Variants in MN1 observed in about 807,000 individuals in gnomAD.
The protein encoded by MN1 is transcriptional activator MN1.
In MN1, 19 loss-of-function variants were observed where a neutral mutation model predicts 86.9. The ratio of observed to expected loss-of-function variants is 0.22; its 90% confidence interval spans 0.15 to 0.32. The LOEUF is 0.32. Among genes scored for constraint, MN1 ranks in the 10% least tolerant of loss-of-function variants. The probability of loss-of-function intolerance (pLI) is 1.00; values close to 1 mark genes in which losing one functional copy is unlikely to be tolerated. For synonymous variants in MN1, 928 were observed against 849.6 expected, an observed-to-expected ratio of 1.09 and a Z score of -1.60; for missense variants, 1,841 against 1,862.0, an observed-to-expected ratio of 0.99 and a Z score of 0.21.
intron 1 of MN1, among the ~76,000 whole-genome samples, chr22:27,795,458 A>T (rs1001485615): frequency 5.3e-5 from 8 of 151,884 alleles, no homozygotes; most frequent in African/African-American, 1.9e-4. Flanking sequence ...TGTGGGGAGG[A>T]TGAGGGAAAC....
chr22:27,797,846 C>A lies in MN1; in HGVS notation c.2698G>T (p.Gly900Cys), dbSNP rs1249739326. ...TTGGGCGGCCCCGAGGCTTTGGAGC[C>A]GCTGCTACTGGTCCCGGACGGGCCT... is the stretch of plus-strand genomic sequence containing the variant. ...PGGPSGTSSSGSKASGPPNPP... is the reference protein window; with the variant it reads ...PGGPSGTSSSCSKASGPPNPP... The change falls in exon 1 of 2, where the codon GGC (glycine) becomes TGC (cysteine). Residue 900 changes from glycine to cysteine, a missense_variant. By Grantham distance (159) the Gly-to-Cys change is radical (BLOSUM62 -3). Transcript: ENST00000302326. 1 of 1,578,308 alleles carries A rather than the reference C, an allele frequency of 6.3e-7. No individual in the cohort carries two copies. Among genetic ancestry groups the A allele is most frequent in the Non-Finnish European group, 8.6e-7 (1 of 1,164,322 alleles).
Position 27,801,424 on chromosome 22 carries a change from C to T in MN1, c.-881G>A, listed in dbSNP as rs561562425. ...GTCTGAGTTCGCCGGAGTCTCCGCG[C>T]ACCGTTGCAGGCGCGGGAGGGCAGC... On this transcript the variant is annotated 5_prime_UTR_variant, in exon 1 of 2. Coordinates refer to ENST00000302326, the MANE Select transcript of MN1 (RefSeq NM_002430.3). 1 of 210,160 alleles carries T rather than the reference C, an allele frequency of 4.8e-6. No individual in the cohort carries two copies. Among genetic ancestry groups the T allele is most frequent in the Admixed American group, 5.9e-5 (1 of 16,950 alleles). 13.0% of individuals were successfully genotyped at this position (210,160 alleles called of 1,614,324 possible). A position where few individuals can be genotyped will look rare whatever the true frequency, so the allele number is the denominator to read the frequency against.
At chr22:27,787,176 C>T (rs1460633901) in intron 1 of MN1, among the ~76,000 whole-genome samples, 1 of 152,150 alleles carries the variant, frequency 6.6e-6, no homozygotes, top group African/African-American at 2.4e-5. Context: ...AAGCAAAGCC[C>T]GGCAAAAGGC....
In MN1 at chr22:27,751,943, G is replaced by A. The variant is rs45600735; in HGVS notation, c.3782-847C>T. Among the ~76,000 whole-genome samples the A allele has an allele frequency of 6.3e-3, 954 of 152,216 alleles. 11 individuals are homozygous for A. In the East Asian group the frequency reaches 0.067, roughly 11 times the overall value. ...GTTCTGCCCCTCATTGGTGTGCAGGGGCTGAGGCTCCATAGAGGTGGCTTT... is the reference window on the plus strand; with the variant it reads ...GTTCTGCCCCTCATTGGTGTGCAGGAGCTGAGGCTCCATAGAGGTGGCTTT... On this transcript the variant is annotated intron_variant, in intron 1 of 1. Coordinates refer to ENST00000302326, the MANE Select transcript of MN1 (RefSeq NM_002430.3).
chr22:27,795,183 C>T (rs542387824), intron 1 of MN1, among the ~76,000 whole-genome samples: 1 of 152,150 alleles, frequency 6.6e-6, no homozygotes, highest in Non-Finnish European at 1.5e-5. Context: ...TGCTAAACAC[C>T]CGGCTTCAAA....
Position 27,799,656 on chromosome 22 carries a change from C to A in MN1, c.888G>T (p.Gln296His), listed in dbSNP as rs763473301. ...GCTGGGGCTGCTGCTGCTGCTGGGG[C>A]TGCTGCTGCGGTGGCTGGGCGTGCA... ...SKMHAQPPQQ[Q>H]PQQQQQPQQQ... The change falls in exon 1 of 2, where the codon CAG becomes CAT. Residue 296 changes from glutamine (Q) to histidine (H), a missense_variant. Coordinates refer to ENST00000302326, the MANE Select transcript of MN1 (RefSeq NM_002430.3). 20 of 1,550,152 alleles carry A rather than the reference C, an allele frequency of 1.3e-5. No homozygotes were observed. The highest frequency in any genetic ancestry group is 1.7e-5 in the Non-Finnish European group (19 of 1,146,886).
At position 27,798,199 on chromosome 22, in the gene MN1, C is replaced by A. The variant is rs776741937; in HGVS notation, c.2345G>T (p.Gly782Val). The A allele has an allele frequency of 1.6e-5, 24 of 1,525,930 alleles. No individual in the cohort carries two copies. The African/African-American group carries it at 2.9e-4, about 18-fold the overall frequency. 94.5% of individuals were successfully genotyped at this position (1,525,930 alleles called of 1,614,324 possible). The change falls in exon 1 of 2, where the codon GGG becomes GTG. Residue 782 changes from glycine (G) to valine (V), a missense_variant. Physicochemically the swap from Gly to Val is moderately radical, Grantham distance 109. Transcript: ENST00000302326. ...ATCAGGCTGCGGCGGGTAGGCACCC[C>A]CGCCACCGCCGCCACCAGAGCTGCC... ...GGGSSGGGGG[G>V]GAYPPQPDFQ...
intron 1 of MN1, among the ~76,000 whole-genome samples, chr22:27,779,994 C>A (rs977194133): frequency 6.6e-6 from 1 of 152,204 alleles, no homozygotes; most frequent in East Asian, 1.9e-4. Context: ...AGGACCCCAG[C>A]ACCCTGTCCT....
chr22:27,768,473 G>A (rs982908297), intron 1 of MN1, among the ~76,000 whole-genome samples: 5 of 152,082 alleles, frequency 3.3e-5, no homozygotes, highest in South Asian at 2.1e-4. Context: ...GCTTGGTGTC[G>A]GTTGCCAAGC....
At chr22:27,781,460 G>A (rs772128385) in intron 1 of MN1, among the ~76,000 whole-genome samples, 1 of 152,150 alleles carries the variant, frequency 6.6e-6, no homozygotes, top group Non-Finnish European at 1.5e-5. Context: ...TATGCCCTGG[G>A]GGGGGCAATA....
At position 27,799,983 on chromosome 22, in the gene MN1, C is replaced by A. The variant is rs764823102; in HGVS notation, c.561G>T (p.Pro187=). 41 of 1,603,224 alleles carry A rather than the reference C, an allele frequency of 2.6e-5. No homozygotes were observed. The highest frequency in any genetic ancestry group is 3.4e-5 in the Non-Finnish European group (40 of 1,176,954). ...HSSGASSHAV[P]APCLPLDQSP... Reference sequence around the variant, plus strand: ...TCTGGTCCAGCGGCAGGCATGGGGCCGGCACGGCGTGGCTGGAGGCACCTG... The same window carrying A: ...TCTGGTCCAGCGGCAGGCATGGGGCAGGCACGGCGTGGCTGGAGGCACCTG... Residue 187 remains proline (P), a synonymous_variant, in exon 1 of 2, where the codon CCG becomes CCT. Transcript: ENST00000302326.
In MN1 at chr22:27,791,275, G is replaced by A. The variant is rs71325258; in HGVS notation, c.3781+5488C>T. Reference sequence around the variant, plus strand: ...GCTCCAGTGTGTGTGAGAAGGCGAGGAGGCTTGAAAAATTTCCTCCAAATG... The same window carrying A: ...GCTCCAGTGTGTGTGAGAAGGCGAGAAGGCTTGAAAAATTTCCTCCAAATG... On this transcript the variant is annotated intron_variant, in intron 1 of 1. Coordinates refer to ENST00000302326, the MANE Select transcript of MN1 (RefSeq NM_002430.3). 1.4e-4 allele frequency among the ~76,000 whole-genome samples: 22 copies of A among 152,072 alleles called. No individual in the cohort carries two copies. In the East Asian group the frequency reaches 2.3e-3, roughly 16 times the overall value.
intron 1 of MN1, among the ~76,000 whole-genome samples, chr22:27,775,478 G>A (rs1328664171): frequency 6.6e-6 from 1 of 152,158 alleles, no homozygotes; most frequent in East Asian, 1.9e-4. Flanking sequence ...ATCTGTAAAT[G>A]GGGCTATCTC....
At position 27,762,532 on chromosome 22, in the gene MN1, T is replaced by A. The variant is rs540134946; in HGVS notation, c.3782-11436A>T. On this transcript the variant is annotated intron_variant, in intron 1 of 1. Transcript: ENST00000302326. ...TAGTATTACCATTAAGTACTATTAT[T>A]ATATTTGAGAGTCTCTCCAGCCCTG... Among the ~76,000 whole-genome samples, 23 of 152,188 alleles carry A rather than the reference T, an allele frequency of 1.5e-4. 1 individual carries two copies. The South Asian group carries it at 4.4e-3, about 29-fold the overall frequency.
chr22:27,773,174 G>C (rs766827830), intron 1 of MN1, among the ~76,000 whole-genome samples: 1 of 151,686 alleles, frequency 6.6e-6, no homozygotes, highest in South Asian at 2.1e-4. Context: ...AAGAAGAAAA[G>C]GGGGCCCCTC....
chr22:27,801,088 C>T lies in MN1; in HGVS notation c.-545G>A, dbSNP rs963940676. On this transcript the variant is annotated 5_prime_UTR_variant, in exon 1 of 2. Coordinates refer to ENST00000302326, the MANE Select transcript of MN1 (RefSeq NM_002430.3). ...CCGACAGAGCGGTCCCTCCCCCCGC[C>T]CCCCGGAGTCCCCGCGCCCCGCAGC... is the stretch of plus-strand genomic sequence containing the variant. 2 of 232,152 alleles carry T rather than the reference C, an allele frequency of 8.6e-6. No individual in the cohort carries two copies. Among genetic ancestry groups the T allele is most frequent in the Non-Finnish European group, 1.7e-5 (2 of 117,020 alleles). 14.4% of individuals were successfully genotyped at this position (232,152 alleles called of 1,614,324 possible).
At chr22:27,781,002 C>T (rs575252555) in intron 1 of MN1, among the ~76,000 whole-genome samples, 1 of 152,214 alleles carries the variant, frequency 6.6e-6, no homozygotes, top group African/African-American at 2.4e-5. Context: ...GTGATCACAA[C>T]TGACTGCAGC....
At chr22:27,761,815 C>A (rs1932837210) in intron 1 of MN1, among the ~76,000 whole-genome samples, 1 of 152,214 alleles carries the variant, frequency 6.6e-6, no homozygotes, top group Non-Finnish European at 1.5e-5. Flanking sequence ...CCCCTGGAAG[C>A]CTTAGGAAAT....
intron 1 of MN1, among the ~76,000 whole-genome samples, chr22:27,767,367 C>T (rs1177180007): frequency 6.6e-6 from 1 of 152,166 alleles, no homozygotes; most frequent in African/African-American, 2.4e-5. Flanking sequence ...CGCCCTCTCA[C>T]AAACCATGTA....
Sources: gnomAD v4.1 joint callset for allele counts (sites outside exome capture counted in the v4.1 genomes callset) on GRCh38, gnomAD v4.1.1 for gene constraint, MANE v1.5 for transcripts, NCBI Gene and HGNC (gene_info 2026-07-23, HGNC 2026-07-21) for gene names.